Variants in RAB9A observed in about 807,000 individuals in gnomAD.
The protein encoded by RAB9A is ras-related protein Rab-9A.
Under a neutral mutation model 10.3 loss-of-function variants are expected in RAB9A, and 1 was observed. The observed-to-expected ratio is 0.10, with a 90% CI of 0.03 to 0.46. RAB9A has a LOEUF of 0.46. RAB9A is among the 20% of genes least tolerant of loss of function. The pLI, the probability that RAB9A is intolerant of heterozygous loss-of-function variation, is 0.96. For missense variants in RAB9A, 92 were observed against 150.3 expected, an observed-to-expected ratio of 0.61 and a Z score of 2.03; for synonymous variants, 39 against 55.2, an observed-to-expected ratio of 0.71 and a Z score of 1.30.
intron 1 of RAB9A, among the ~76,000 whole-genome samples, chrX:13,695,219 T>C (rs1168471052): frequency 2.7e-5 from 3 of 112,510 alleles, no homozygotes; most frequent in Non-Finnish European, 5.6e-5. Context: ...CTCTTCACTC[T>C]GTCACTCCCG....
At chrX:13,701,229 C>A (rs909869361) in intron 1 of RAB9A, among the ~76,000 whole-genome samples, 2 of 109,612 alleles carry the variant, frequency 1.8e-5, no homozygotes, top group Admixed American at 9.8e-5. Flanking sequence ...TGCCACTGCC[C>A]CCCGCCCCAT....
At chrX:13,707,449 A>C (rs924734710) in intron 2 of RAB9A, among the ~76,000 whole-genome samples, 3 of 111,639 alleles carry the variant, frequency 2.7e-5, no homozygotes, top group African/African-American at 9.8e-5. Context: ...CATTATATAG[A>C]AATTTTGTAC....
chrX:13,706,533 G>A (rs943800265), intron 2 of RAB9A, among the ~76,000 whole-genome samples: 5 of 109,210 alleles, frequency 4.6e-5, no homozygotes, highest in Non-Finnish European at 9.5e-5. Context: ...GACTACAGGC[G>A]CTTGCCACCA....
At chrX:13,701,866 G>T (rs143032324) in intron 1 of RAB9A, among the ~76,000 whole-genome samples, 1 of 111,249 alleles carries the variant, frequency 9.0e-6, no homozygotes, top group Admixed American at 9.5e-5. Context: ...ATTTTCATTC[G>T]TAAGCCCAGC....
rs1439222094 is a variant in RAB9A at position 13,689,215 on chromosome X, A to G, written c.-189A>G. 2 of 111,889 alleles carry G rather than the reference A, an allele frequency of 1.8e-5. No individual in the cohort carries two copies. Among genetic ancestry groups the G allele is most frequent in the East Asian group, 5.7e-4 (2 of 3,531 alleles). The allele number at this position is 111,889 out of a possible 1,213,427, so 9.2% of individuals were successfully genotyped here. On this transcript the variant is annotated 5_prime_UTR_variant, in exon 1 of 3. Transcript: ENST00000464506. ...CTGCCTCCTGCTGTGCAGGTCCCCGACCCTCTCTCTGTCCTCATTGCGCCC... is the reference window on the plus strand; with the variant it reads ...CTGCCTCCTGCTGTGCAGGTCCCCGGCCCTCTCTCTGTCCTCATTGCGCCC...
chrX:13,706,362 TATTA>T (rs2046197408), intron 2 of RAB9A, among the ~76,000 whole-genome samples: 2 of 109,808 alleles, frequency 1.8e-5, no homozygotes, highest in African/African-American at 3.4e-5. Flanking sequence ...ATTGTATTAA[TATTA>T]ATTATAGTAG....
intron 1 of RAB9A, among the ~76,000 whole-genome samples, chrX:13,691,265 G>C (rs764531970): frequency 3.6e-5 from 4 of 111,236 alleles, no homozygotes; most frequent in Non-Finnish European, 7.5e-5. Flanking sequence ...TGCTTTTGTA[G>C]TTTTTCAAAT....
At chrX:13,693,484 C>T (rs183490066) in intron 1 of RAB9A, among the ~76,000 whole-genome samples, 6 of 111,387 alleles carry the variant, frequency 5.4e-5, no homozygotes, top group East Asian at 2.8e-4. Context: ...GGAGGGAGGT[C>T]GGAGGCGGTC....
intron 1 of RAB9A, among the ~76,000 whole-genome samples, chrX:13,696,092 C>T (rs957052737): frequency 1.8e-5 from 2 of 110,119 alleles, no homozygotes; most frequent in African/African-American, 6.6e-5. Context: ...CCCAGTTAGA[C>T]CTGTTTCCTT....
Position 13,691,659 on chromosome X carries a change from C to CAAAAAAAAA in RAB9A, c.-116+2391_-116+2399dup, listed in dbSNP as rs765886332. 2.5e-4 allele frequency among the ~76,000 whole-genome samples: 4 copies of CAAAAAAAAA among 15,924 alleles called. 1 individual carries two copies. The highest frequency in any genetic ancestry group is 1.1e-3 in the Admixed American group (1 of 910). The allele number at this position is 15,924 out of a possible 115,157, so 13.8% of individuals were successfully genotyped here. A position where few individuals can be genotyped will look rare whatever the true frequency, so the allele number is the denominator to read the frequency against. On this transcript the variant is annotated intron_variant, in intron 1 of 2. Coordinates refer to ENST00000464506, the MANE Select transcript of RAB9A (RefSeq NM_004251.5). The stretch of plus-strand genomic sequence containing the variant: ...TGGGCAACAGAATGAGACTCCATCT[C>CAAAAAAAAA]AAAAAAAAAAAAAAAAAAAAAAAAA...
chrX:13,705,676 G>A (rs1481848352), intron 2 of RAB9A, among the ~76,000 whole-genome samples: 2 of 112,047 alleles, frequency 1.8e-5, no homozygotes, highest in Non-Finnish European at 3.8e-5. Flanking sequence ...TGTTAGATCA[G>A]TAGAGACTTA....
In RAB9A at chrX:13,709,046, C is replaced by T. The variant is rs767326547; in HGVS notation, c.300C>T (p.Asn100=). 7.4e-6 allele frequency: 9 copies of T among 1,209,485 alleles called. No homozygotes were observed. The highest frequency in any genetic ancestry group is 3.0e-5 in the East Asian group (1 of 33,781). Residue 100 remains asparagine (N), a synonymous_variant, in exon 3 of 3, where the codon AAC becomes AAT. Transcript: ENST00000464506. ...CACAAAGCTTCCAGAACTTAAGTAA[C>T]TGGAAGAAAGAATTCATATATTATG... ...DDSQSFQNLS[N]WKKEFIYYAD...
chrX:13,704,294 TAGAAA>T (rs1234475192), intron 2 of RAB9A, among the ~76,000 whole-genome samples: 1 of 112,173 alleles, frequency 8.9e-6, no homozygotes, highest in Non-Finnish European at 1.9e-5. Context: ...ATATAAAACT[TAGAAA>T]AGAAGATGGG....
intron 2 of RAB9A, among the ~76,000 whole-genome samples, chrX:13,706,465 C>T (rs1410006626): frequency 9.0e-6 from 1 of 111,043 alleles, no homozygotes; most frequent in African/African-American, 3.3e-5. Flanking sequence ...AATCTCAGCT[C>T]ACGGCAACCT....
intron 1 of RAB9A, among the ~76,000 whole-genome samples, chrX:13,697,977 G>A (rs914387421): frequency 9.0e-6 from 1 of 111,162 alleles, no homozygotes; most frequent in African/African-American, 3.3e-5. Flanking sequence ...ATTTAAACTA[G>A]TTAAAATTAA....
chrX:13,704,499 C>G (rs1293962027), intron 2 of RAB9A, among the ~76,000 whole-genome samples: 1 of 111,688 alleles, frequency 9.0e-6, no homozygotes, highest in Non-Finnish European at 1.9e-5. Context: ...AAAACATACA[C>G]TGCTAAGGTG....
intron 1 of RAB9A, among the ~76,000 whole-genome samples, chrX:13,691,420 G>C (rs937708835): frequency 1.8e-5 from 2 of 111,390 alleles, no homozygotes; most frequent in African/African-American, 3.3e-5. Flanking sequence ...CCAGCACTTT[G>C]GGAGGCCGAG....
intron 2 of RAB9A, 101 bp downstream of exon 2, chrX:13,704,003 C>A (rs1383279076): frequency 3.6e-5 from 4 of 111,951 alleles, no homozygotes; most frequent in Non-Finnish European, 7.5e-5. Flanking sequence ...AAGAAGTTTT[C>A]TTTTCTGACA....
Position 13,691,553 on chromosome X carries a change from A to G in RAB9A, c.-116+2265A>G, listed in dbSNP as rs575854404. Among the ~76,000 whole-genome samples, 35 of 104,468 alleles carry G rather than the reference A, an allele frequency of 3.4e-4. No individual in the cohort carries two copies. The South Asian group carries it at 0.015, about 46-fold the overall frequency. 90.7% of individuals were successfully genotyped at this position (104,468 alleles called of 115,157 possible). On this transcript the variant is annotated intron_variant, in intron 1 of 2. Transcript: ENST00000464506. Reference sequence around the variant, plus strand: ...CGGATGCCCGTAATCCCAGCTACTCAGGAGGCTGAGGCAGGAGAATCGCTT... The same window carrying G: ...CGGATGCCCGTAATCCCAGCTACTCGGGAGGCTGAGGCAGGAGAATCGCTT...
Sources: allele counts gnomAD v4.1 joint callset (sites outside exome capture counted in the v4.1 genomes callset), GRCh38; gene constraint gnomAD v4.1.1; transcripts MANE v1.5; gene names NCBI Gene and HGNC (gene_info 2026-07-23, HGNC 2026-07-21).